The following VPS28 variants were observed in gnomAD, a reference collection of about 807,000 sequenced individuals.
The protein encoded by VPS28 is vacuolar protein sorting-associated protein 28 homolog.
VPS28 carries 29 observed loss-of-function variants against 33.7 expected under a neutral mutation model. The observed-to-expected ratio is 0.86, with a 90% confidence interval of 0.64 to 1.17. VPS28 has a LOEUF of 1.17. Among genes scored for constraint, VPS28 ranks in the 50% most tolerant of loss-of-function variants. The pLI is 0.00. For missense variants in VPS28, 247 were observed against 312.2 expected (o/e 0.79, Z 1.57); for synonymous variants, 164 against 116.7 (o/e 1.40, Z -2.61).
At chr8:144,424,446 G>T in intron 7 of VPS28, 178 bp from the exon 8 acceptor site, 1 of 889,198 alleles carries the variant, frequency 1.1e-6, no homozygotes, top group Non-Finnish European at 1.7e-6. Context: ...ACAGCTGTGT[G>T]GGAACTGAAG....
chr8:144,423,685 A>G lies in VPS28; in HGVS notation c.*120T>C, dbSNP rs1586662143. The G allele has an allele frequency of 7.6e-7, 1 of 1,316,848 alleles. No homozygotes were observed. Among genetic ancestry groups the G allele is most frequent in the Non-Finnish European group, 1.1e-6 (1 of 941,498 alleles). The allele number at this position is 1,316,848 out of a possible 1,614,324, so 81.6% of individuals were successfully genotyped here. A position where few individuals can be genotyped will look rare whatever the true frequency, so the allele number is the denominator to read the frequency against. On this transcript the variant is annotated 3_prime_UTR_variant, in exon 10 of 10. Coordinates refer to ENST00000292510, the MANE Select transcript of VPS28 (RefSeq NM_016208.4). ...CAAAGTTCTGACACCAAAGACAGAC[A>G]CCAGACAGGCAGCTGCAGACAGTGA... is the stretch of plus-strand genomic sequence containing the variant.
rs1261447791 is a variant in VPS28 at position 144,424,039 on chromosome 8, A to C, written c.548+2T>G. The stretch of plus-strand genomic sequence containing the variant: ...CTCTGCCTGGCTGGGAGGGACACCC[A>C]CCACTGGCTGACCGTCTGGCGGCCC... On this transcript the variant is annotated splice_donor_variant, in intron 9 of 9. Coordinates refer to ENST00000292510, the MANE Select transcript of VPS28 (RefSeq NM_016208.4). LOFTEE classifies it high-confidence loss of function. The C allele has an allele frequency of 6.3e-7, 1 of 1,586,270 alleles. No homozygotes were observed. Among genetic ancestry groups the C allele is most frequent in the East Asian group, 2.3e-5 (1 of 44,376 alleles).
At chr8:144,425,484 C>A in intron 5 of VPS28, 199 bp downstream of exon 5, 1 of 607,296 alleles carries the variant, frequency 1.6e-6, no homozygotes. Flanking sequence ...CGGATGACAC[C>A]CCAGGAGCTG....
At chr8:144,425,079 C>T in intron 5 of VPS28, 28 bp from the exon 6 acceptor site, 2 of 1,543,590 alleles carry the variant, frequency 1.3e-6, no homozygotes, top group Non-Finnish European at 1.8e-6. Flanking sequence ...GCTGCCCAAG[C>T]ATGGGACCAG....
Position 144,423,907 on chromosome 8 carries a change from G to T in VPS28, c.564C>A (p.Ser188Arg). The part of the protein sequence containing the change: ...QTVSQWLQTL[S>R]GMSASDELDD... ...CCAGCTCATCTGACGCCGACATGCC[G>T]CTCAGGGTCTGCAGCCTGGGAGTGC... The change falls in exon 10 of 10, where the codon AGC becomes AGA. Residue 188 changes from serine (S) to arginine (R), a missense_variant. Physicochemically the swap from Ser to Arg is moderately radical, Grantham distance 110. Around this residue, in one of 3 missense-constraint regions of VPS28, gnomAD observed 95 missense variants for 118.3 expected, o/e 0.80. Coordinates refer to ENST00000292510, the MANE Select transcript of VPS28 (RefSeq NM_016208.4). The T allele has an allele frequency of 1.2e-6, 2 of 1,613,120 alleles. No homozygotes were observed. Among genetic ancestry groups the T allele is most frequent in the Non-Finnish European group, 1.7e-6 (2 of 1,180,030 alleles).
intron 2 of VPS28, 107 bp from the exon 3 acceptor site, chr8:144,426,315 G>C (rs1822740193): frequency 7.1e-7 from 1 of 1,400,374 alleles, no homozygotes; most frequent in East Asian, 2.6e-5. Flanking sequence ...CCCAGGCTGG[G>C]TCCCAAAGAG....
At chr8:144,426,856 C>T (rs923066422) in intron 2 of VPS28, 53 bp downstream of exon 2, 31 of 1,601,148 alleles carry the variant, frequency 1.9e-5, no homozygotes, top group Middle Eastern at 1.6e-4. Flanking sequence ...CAATACTGCC[C>T]GTCAGCCCCT....
intron 4 of VPS28, 44 bp downstream of exon 4, chr8:144,425,982 G>C: frequency 1.4e-6 from 2 of 1,474,090 alleles, no homozygotes; most frequent in South Asian, 2.7e-5. Flanking sequence ...AGGGCAGCCA[G>C]ATGCGCATGG....
At chr8:144,424,413 T>TTTG in intron 7 of VPS28, 145 bp from the exon 8 acceptor site, 1 of 1,116,452 alleles carries the variant, frequency 9.0e-7, no homozygotes, top group Non-Finnish European at 1.2e-6. Context: ...GCCTCCTGGG[T>TTTG]GAACGAGGTC....
chr8:144,426,349 G>T (rs1822742414), intron 2 of VPS28, 141 bp from the exon 3 acceptor site: 1 of 1,142,004 alleles, frequency 8.8e-7, no homozygotes, highest in African/African-American at 1.6e-5. Flanking sequence ...GGAGCACAGA[G>T]GTTCCAACCT....
At chr8:144,424,506 G>T (rs549288020) in intron 7 of VPS28, 5 of 778,036 alleles carry the variant, frequency 6.4e-6, no homozygotes, top group Admixed American at 2.8e-5. Flanking sequence ...CCGCCAGAAC[G>T]CACCCTGTGC....
chr8:144,425,386 C>T (rs1564719045), intron 5 of VPS28: 1 of 563,232 alleles, frequency 1.8e-6, no homozygotes, highest in East Asian at 3.0e-5. Flanking sequence ...TTGAACAAAG[C>T]CCCCCCAAAA....
intron 2 of VPS28, 164 bp from the exon 3 acceptor site, chr8:144,426,372 T>A (rs1369643362): frequency 2.6e-5 from 23 of 898,598 alleles, no homozygotes; most frequent in African/African-American, 3.4e-5. Flanking sequence ...CCCCTATCAG[T>A]GTGTGGGGGG....
Position 144,426,205 on chromosome 8 carries a change from G to C in VPS28, c.41C>G (p.Pro14Arg), listed in dbSNP as rs782085877. The C allele has an allele frequency of 6.2e-6, 10 of 1,603,812 alleles. No homozygotes were observed. In the South Asian group the frequency reaches 1.1e-4, roughly 18 times the overall value. ...GIPATPGIGA[P>R]GNKPELYEEV... ...CTCATACAGCTCCGGCTTGTTCCCA[G>C]GGGCTGCAAGAGAAGGCAGAGAGCT... The change falls in exon 3 of 10, where the codon CCT becomes CGT. Residue 14 changes from proline to arginine, a missense_variant. This residue lies in a region of VPS28 where 149 missense variants were observed against 172.8 expected (regional missense o/e 0.86). Transcript: ENST00000292510.
Position 144,424,240 on chromosome 8 carries a change from C to G in VPS28, c.431G>C (p.Arg144Pro). Residue 144 changes from arginine (R) to proline (P), a missense_variant, in exon 8 of 10, where the codon CGT becomes CCT. Arg to Pro is a moderately radical substitution (Grantham distance 103). Around this residue, in one of 3 missense-constraint regions of VPS28, gnomAD observed 95 missense variants for 118.3 expected, o/e 0.80. Coordinates refer to ENST00000292510, the MANE Select transcript of VPS28 (RefSeq NM_016208.4). The stretch of plus-strand genomic sequence containing the variant: ...CTCATCCATGGCGCGGATCTCCAGA[C>G]GCAGCTTGTCCATGACCGTGATGAA... ...SLFITVMDKL[R>P]LEIRAMDEIQ... The G allele has an allele frequency of 6.2e-7, 1 of 1,605,946 alleles. No homozygotes were observed. The highest frequency in any genetic ancestry group is 8.5e-7 in the Non-Finnish European group (1 of 1,175,106).
rs1359975340 is a variant in VPS28 at position 144,428,531 on chromosome 8, G to A, written c.-77C>T. The A allele has an allele frequency of 2.0e-5, 3 of 152,164 alleles. No individual in the cohort carries two copies. The highest frequency in any genetic ancestry group is 2.9e-5 in the Non-Finnish European group (2 of 68,026). 9.4% of individuals were successfully genotyped at this position (152,164 alleles called of 1,614,324 possible). On this transcript the variant is annotated 5_prime_UTR_variant, in exon 1 of 10. Transcript: ENST00000292510. ...GGGAAGATGGCGCCGGGGGCGGGGT[G>A]CGCTCGGTCAGCGACTCGGCATTCG...
chr8:144,426,136 T>G (rs782337505), intron 3 of VPS28, 44 bp downstream of exon 3: 2 of 1,591,214 alleles, frequency 1.3e-6, no homozygotes, highest in Non-Finnish European at 8.6e-7. Flanking sequence ...CACACAGGCA[T>G]TTGCTGTTGG....
intron 3 of VPS28, 32 bp downstream of exon 3, chr8:144,426,148 C>T: frequency 2.5e-6 from 4 of 1,597,042 alleles, no homozygotes; most frequent in Non-Finnish European, 3.4e-6. Flanking sequence ...TGCTGTTGGC[C>T]AATGCCGGCC....
chr8:144,425,459 G>C (rs1386234709), intron 5 of VPS28: 1 of 592,958 alleles, frequency 1.7e-6, no homozygotes, highest in Non-Finnish European at 3.0e-6. Context: ...GGGGGATGAG[G>C]GTGGGGGAGT....
Sources: allele counts gnomAD v4.1 joint callset, GRCh38; gene constraint gnomAD v4.1.1; regional missense constraint gnomAD v4.1.1; transcripts MANE v1.5; gene names NCBI Gene and HGNC (gene_info 2026-07-23, HGNC 2026-07-21).